Variants in ATAD2B observed in about 807,000 individuals in gnomAD.
ATAD2B encodes the protein ATPase family AAA domain containing 2B.
ATAD2B carries 40 observed loss-of-function variants against 167.6 expected under a neutral mutation model. The observed-to-expected ratio is 0.24, with a 90% CI of 0.19 to 0.31. ATAD2B has a LOEUF of 0.31. Ranked by LOEUF, ATAD2B falls within the 10% of genes least tolerant of loss-of-function variation. ATAD2B has a pLI of 1.00. For missense variants in ATAD2B, 1,242 were observed against 1,757.2 expected (o/e 0.71, Z 5.24); for synonymous variants, 579 against 596.5 (o/e 0.97, Z 0.43).
chr2:23,814,638 G>C (rs1375836530), intron 17 of ATAD2B, among the ~76,000 whole-genome samples: 3 of 152,136 alleles, frequency 2.0e-5, no homozygotes, highest in Non-Finnish European at 4.4e-5. Flanking sequence ...GGTTTTGTTT[G>C]TTTGTTTTGA....
the ATAD2B span, among the ~76,000 whole-genome samples, chr2:23,698,332 C>T: frequency 6.6e-6 from 1 of 152,222 alleles, no homozygotes; most frequent in Admixed American, 6.5e-5. Flanking sequence ...GGGCAGTGTG[C>T]ATGCAAGTGG....
At chr2:23,925,246 C>T (rs570739969) in intron 1 of ATAD2B, among the ~76,000 whole-genome samples, 1 of 152,070 alleles carries the variant, frequency 6.6e-6, no homozygotes, top group Non-Finnish European at 1.5e-5. Context: ...GAGCTGTAAG[C>T]CCCCAAAATA....
chr2:23,864,312 T>C (rs1038314746), intron 11 of ATAD2B, among the ~76,000 whole-genome samples: 2 of 152,048 alleles, frequency 1.3e-5, no homozygotes, highest in Non-Finnish European at 2.9e-5. Context: ...GCCAGAATAT[T>C]CTATTCTGCC....
intron 22 of ATAD2B, among the ~76,000 whole-genome samples, chr2:23,775,580 G>A (rs888608660): frequency 2.0e-5 from 3 of 152,114 alleles, no homozygotes; most frequent in Non-Finnish European, 4.4e-5. Flanking sequence ...ACATTTTCTT[G>A]TATGTTGCTT....
chr2:23,861,401 A>G (rs1240437800), intron 12 of ATAD2B, among the ~76,000 whole-genome samples: 1 of 151,786 alleles, frequency 6.6e-6, no homozygotes, highest in Non-Finnish European at 1.5e-5. Context: ...CCACTCTCTT[A>G]GCCAATACAC....
At chr2:23,887,426 C>T (rs1045375508) in intron 4 of ATAD2B, among the ~76,000 whole-genome samples, 7 of 152,136 alleles carry the variant, frequency 4.6e-5, no homozygotes, top group African/African-American at 1.7e-4. Context: ...CATCTAGATA[C>T]TGAACAATAC....
chr2:23,719,082 T>C, the ATAD2B span, among the ~76,000 whole-genome samples: 17,800 of 152,192 alleles, frequency 0.12, 1,114 homozygotes, highest in Middle Eastern at 0.2. Flanking sequence ...TTATTCAGCC[T>C]AACACAGAGA....
chr2:23,698,541 TAATG>T, the ATAD2B span, among the ~76,000 whole-genome samples: 127 of 148,936 alleles, frequency 8.5e-4, no homozygotes, highest in Non-Finnish European at 1.5e-3. Flanking sequence ...ATTATATTGA[TAATG>T]AATGAGATAT....
rs368383509 is a variant in ATAD2B at position 23,807,370 on chromosome 2, A to C, written c.2454+2946T>G. Among the ~76,000 whole-genome samples, 53 of 152,328 alleles carry C rather than the reference A, an allele frequency of 3.5e-4. No individual in the cohort carries two copies. In the South Asian group the frequency reaches 0.011, roughly 30 times the overall value. ...AACTGCCCAATCAAATACATTTGAA[A>C]TTTATCTATGTAGAACATTCCAAAC... is the stretch of plus-strand genomic sequence containing the variant. On this transcript the variant is annotated intron_variant, in intron 18 of 27. Transcript: ENST00000238789.
At chr2:23,827,199 A>G (rs1161992617) in intron 15 of ATAD2B, among the ~76,000 whole-genome samples, 1 of 152,166 alleles carries the variant, frequency 6.6e-6, no homozygotes, top group Non-Finnish European at 1.5e-5. Flanking sequence ...ATGGTATATA[A>G]GCAGAGTCTG....
At chr2:23,791,433 T>C (rs748588180) in intron 19 of ATAD2B, among the ~76,000 whole-genome samples, 7 of 152,182 alleles carry the variant, frequency 4.6e-5, no homozygotes, top group Admixed American at 1.3e-4. Context: ...GTATTCTTTA[T>C]TTTTGATTAC....
At chr2:23,799,570 C>CAAAAAA (rs763947000) in intron 18 of ATAD2B, among the ~76,000 whole-genome samples, 24 of 39,858 alleles carry the variant, frequency 6.0e-4, no homozygotes, top group Middle Eastern at 0.036. Flanking sequence ...GACTCCATCT[C>CAAAAAA]AAAAAAAAAA....
chr2:23,839,994 CTT>C (rs1690622477), intron 13 of ATAD2B, among the ~76,000 whole-genome samples: 1 of 152,096 alleles, frequency 6.6e-6, no homozygotes, highest in Admixed American at 6.6e-5. Context: ...AGTAAGTACT[CTT>C]TTTATTCCTA....
chr2:23,877,710 A>G (rs552186723), intron 7 of ATAD2B, among the ~76,000 whole-genome samples: 19 of 150,648 alleles, frequency 1.3e-4, no homozygotes, highest in African/African-American at 4.4e-4. Flanking sequence ...CATCTGTAAT[A>G]AAAATACAAA....
rs763019684 is a variant in ATAD2B at position 23,754,782 on chromosome 2, T to C, written c.4079-8A>G. ...TCTTTACTTTAGAAGCACCTATAAT[T>C]GAGACAAAAAAATACACTGCAGCAA... On this transcript the variant is annotated splice_polypyrimidine_tract_variant and splice_region_variant and intron_variant, in intron 25 of 27. Coordinates refer to ENST00000238789, the MANE Select transcript of ATAD2B (RefSeq NM_017552.4). 9 of 1,606,636 alleles carry C rather than the reference T, an allele frequency of 5.6e-6. No individual in the cohort carries two copies. In the Admixed American group the frequency reaches 1.4e-4, roughly 24 times the overall value.
chr2:23,909,356 C>CCAT (rs1701930235), intron 1 of ATAD2B, among the ~76,000 whole-genome samples: 1 of 151,578 alleles, frequency 6.6e-6, no homozygotes, highest in Admixed American at 6.6e-5. Flanking sequence ...CTGCAGTGAG[C>CCAT]CATGACTGCA....
intron 20 of ATAD2B, among the ~76,000 whole-genome samples, chr2:23,786,864 C>T (rs1343382109): frequency 6.6e-6 from 1 of 151,992 alleles, no homozygotes; most frequent in African/African-American, 2.4e-5. Flanking sequence ...TTTCTTAAGT[C>T]AACCTTGTTT....
chr2:23,811,268 T>C (rs371128017), intron 17 of ATAD2B: 1 of 152,288 alleles, frequency 6.6e-6, no homozygotes, highest in East Asian at 1.9e-4. Context: ...TAGGAGGTGA[T>C]TAAGTCATGA....
intron 19 of ATAD2B, among the ~76,000 whole-genome samples, chr2:23,790,014 A>T (rs1263965791): frequency 6.6e-6 from 1 of 152,212 alleles, no homozygotes; most frequent in Non-Finnish European, 1.5e-5. Context: ...CAAATCATTT[A>T]AAAGTTCATA....
Sources: gnomAD v4.1 joint callset for allele counts (sites outside exome capture counted in the v4.1 genomes callset) on GRCh38, gnomAD v4.1.1 for gene constraint, MANE v1.5 for transcripts, NCBI Gene and HGNC (gene_info 2026-07-23, HGNC 2026-07-21) for gene names.